RALYL: variants seen among roughly 807,000 people sequenced by gnomAD.
RALYL encodes RNA-binding Raly-like protein.
Under a neutral mutation model 35.1 loss-of-function variants are expected in RALYL, and 29 were observed. That is an observed-to-expected ratio of 0.83 (90% CI 0.61 to 1.13). The LOEUF (loss-of-function observed/expected upper bound fraction) is 1.13. Ranked by LOEUF, RALYL falls within the 50% of genes most tolerant of loss-of-function variation. The pLI is 0.00. For missense variants in RALYL, 359 were observed against 360.4 expected (o/e 1.00, Z 0.03); for synonymous variants, 120 against 127.6 (o/e 0.94, Z 0.40).
intron 8 of RALYL, among the ~76,000 whole-genome samples, chr8:84,902,986 A>G (rs1023305845): frequency 3.3e-5 from 5 of 152,124 alleles, no homozygotes; most frequent in African/African-American, 9.7e-5. Context: ...TGGGAGTCCA[A>G]AGTAGGAGGA....
At chr8:84,479,047 C>T (rs2053760329) in intron 1 of RALYL, among the ~76,000 whole-genome samples, 1 of 121,582 alleles carries the variant, frequency 8.2e-6, no homozygotes, top group African/African-American at 3.1e-5. Context: ...GATTGCACCA[C>T]TGCACTCCAG....
chr8:84,189,695 C>T (rs1484113010), intron 1 of RALYL, among the ~76,000 whole-genome samples: 5 of 150,378 alleles, frequency 3.3e-5, no homozygotes, highest in Non-Finnish European at 1.5e-5. Context: ...TTTTCCTACA[C>T]AGATATGCTT....
At chr8:84,192,907 G>GTGTGT (rs199523841) in intron 1 of RALYL, among the ~76,000 whole-genome samples, 6 of 92,892 alleles carry the variant, frequency 6.5e-5, no homozygotes, top group African/African-American at 1.8e-4. Context: ...GTGTGTGTGT[G>GTGTGT]GGGGGGGGGG....
intron 1 of RALYL, among the ~76,000 whole-genome samples, chr8:84,238,626 G>A (rs575993055): frequency 6.6e-6 from 1 of 152,262 alleles, no homozygotes; most frequent in Admixed American, 6.5e-5. Flanking sequence ...ATCAGAGAGG[G>A]CGTTGACTGA....
chr8:84,746,974 A>G (rs1808755915), intron 2 of RALYL, among the ~76,000 whole-genome samples: 1 of 140,426 alleles, frequency 7.1e-6, no homozygotes, highest in African/African-American at 3.3e-5. Context: ...TAATGATCAC[A>G]TATTTATCTG....
At chr8:84,708,683 T>G (rs1179827822) in intron 2 of RALYL, among the ~76,000 whole-genome samples, 1 of 152,076 alleles carries the variant, frequency 6.6e-6, no homozygotes, top group Non-Finnish European at 1.5e-5. Context: ...ATAACAAAAT[T>G]TATTTAACTG....
chr8:84,679,019 C>T (rs550818207), intron 2 of RALYL: 13 of 344,584 alleles, frequency 3.8e-5, no homozygotes, highest in South Asian at 3.4e-4. Context: ...GCCTGGCCAC[C>T]ACCAGCACTC....
chr8:84,346,240 T>G (rs192648761), intron 1 of RALYL: 1 of 193,764 alleles, frequency 5.2e-6, no homozygotes, highest in African/African-American at 2.4e-5. Context: ...CTGACCAGAT[T>G]TCCCAAATTT....
At chr8:84,568,304 G>T (rs1447260379) in intron 2 of RALYL, among the ~76,000 whole-genome samples, 6 of 149,266 alleles carry the variant, frequency 4.0e-5, no homozygotes, top group Non-Finnish European at 8.9e-5. Flanking sequence ...GCGGTGTTTG[G>T]TTTTTTGTCC....
At chr8:84,431,354 TA>T (rs1373406814) in intron 1 of RALYL, among the ~76,000 whole-genome samples, 1 of 152,076 alleles carries the variant, frequency 6.6e-6, no homozygotes, top group African/African-American at 2.4e-5. Context: ...ACCACAAAGT[TA>T]GGATTTTTTT....
At chr8:84,729,598 G>T (rs1482146320) in intron 2 of RALYL, among the ~76,000 whole-genome samples, 1 of 152,076 alleles carries the variant, frequency 6.6e-6, no homozygotes, top group South Asian at 2.1e-4. Flanking sequence ...TCCAGAAGCT[G>T]GTTTTTTGAA....
intron 5 of RALYL, among the ~76,000 whole-genome samples, chr8:84,853,181 C>A (rs1836238370): frequency 6.6e-6 from 1 of 152,276 alleles, no homozygotes; most frequent in South Asian, 2.1e-4. Context: ...CAAGTCCCAG[C>A]CTCATTCTTC....
chr8:84,610,689 G>A lies in RALYL; in HGVS notation c.256+81112G>A, dbSNP rs568559525. ...ATAATTTATCTGGAATCCTCCTCCC[G>A]CATTTATAAGTTTATTAAACCACTT... On this transcript the variant is annotated intron_variant, in intron 2 of 8. Transcript: ENST00000521268. Among the ~76,000 whole-genome samples, 25 of 152,044 alleles carry A rather than the reference G, an allele frequency of 1.6e-4. No homozygotes were observed. The South Asian group carries it at 5.2e-3, about 32-fold the overall frequency.
intron 1 of RALYL, among the ~76,000 whole-genome samples, chr8:84,303,457 G>A (rs1841198513): frequency 1.3e-5 from 2 of 152,174 alleles, no homozygotes; most frequent in African/African-American, 4.8e-5. Context: ...TGACAACTGT[G>A]TTGTTGTAGG....
At chr8:84,664,560 T>C (rs941923578) in intron 2 of RALYL, among the ~76,000 whole-genome samples, 1 of 152,076 alleles carries the variant, frequency 6.6e-6, no homozygotes, top group African/African-American at 2.4e-5. Context: ...CTTAGCTGTA[T>C]TCCTAGGTAT....
At chr8:84,337,299 A>G (rs1847974875) in intron 1 of RALYL, among the ~76,000 whole-genome samples, 1 of 151,324 alleles carries the variant, frequency 6.6e-6, no homozygotes, top group Non-Finnish European at 1.5e-5. Flanking sequence ...ATGCCAGCTC[A>G]TTCGAGGAAT....
At chr8:84,510,299 T>C (rs892030541) in intron 1 of RALYL, among the ~76,000 whole-genome samples, 22 of 152,212 alleles carry the variant, frequency 1.4e-4, no homozygotes, top group African/African-American at 5.1e-4. Context: ...TTAAATACTG[T>C]ATTTTTAATT....
At chr8:84,221,780 C>T (rs879603485) in intron 1 of RALYL, among the ~76,000 whole-genome samples, 2 of 151,942 alleles carry the variant, frequency 1.3e-5, no homozygotes, top group Admixed American at 1.3e-4. Flanking sequence ...TTCAGTATCC[C>T]TATACTTGGA....
chr8:84,431,650 A>G lies in RALYL; in HGVS notation c.-23-97649A>G, dbSNP rs114045201. On this transcript the variant is annotated intron_variant, in intron 1 of 8. Transcript: ENST00000521268. ...CCATATTTGAGTGAGATCATGCAGAATTTGTCTTTCTGTCCTGGATGAACT... is the reference window on the plus strand; with the variant it reads ...CCATATTTGAGTGAGATCATGCAGAGTTTGTCTTTCTGTCCTGGATGAACT... Among the ~76,000 whole-genome samples, 162 of 152,206 alleles carry G rather than the reference A, an allele frequency of 1.1e-3. 1 individual carries two copies. The highest frequency in any genetic ancestry group is 3.5e-3 in the African/African-American group (146 of 41,540).
Sources: allele counts gnomAD v4.1 joint callset (sites outside exome capture counted in the v4.1 genomes callset), GRCh38; gene constraint gnomAD v4.1.1; transcripts MANE v1.5; gene names NCBI Gene and HGNC (gene_info 2026-07-23, HGNC 2026-07-21).